The following NRP2 variants were observed in gnomAD, a reference collection of about 807,000 sequenced individuals.
NRP2 encodes neuropilin-2.
Under a neutral mutation model 110.4 loss-of-function variants are expected in NRP2, and 52 were observed. That is an observed-to-expected ratio of 0.47 (90% CI 0.38 to 0.59). The LOEUF (loss-of-function observed/expected upper bound fraction) is 0.59, where lower values mean the gene tolerates loss of function less well. Among genes scored for constraint, NRP2 ranks in the 20% least tolerant of loss-of-function variants. The pLI is 0.00. For synonymous variants in NRP2, 508 were observed against 468.9 expected (o/e 1.08, Z -1.08); for missense variants, 1,049 against 1,203.0 (o/e 0.87, Z 1.89).
chr2:205,730,033 A>G (rs2057205994), intron 7 of NRP2, among the ~76,000 whole-genome samples: 1 of 152,190 alleles, frequency 6.6e-6, no homozygotes, highest in African/African-American at 2.4e-5. Flanking sequence ...TCTCTTCCCC[A>G]TTAGAAATTC....
At chr2:205,745,506 C>T (rs765660162) in intron 9 of NRP2, among the ~76,000 whole-genome samples, 21 of 152,144 alleles carry the variant, frequency 1.4e-4, no homozygotes, top group Admixed American at 1.3e-4. Context: ...GAAATTGCCA[C>T]CTTTGTTTAC....
At chr2:205,697,320 G>A (rs956525212) in intron 1 of NRP2, among the ~76,000 whole-genome samples, 2 of 151,118 alleles carry the variant, frequency 1.3e-5, no homozygotes, top group Non-Finnish European at 1.5e-5. Flanking sequence ...ATCTGTGTGT[G>A]TGTGTGTGTG....
chr2:205,687,568 G>A (rs140283340), intron 1 of NRP2, among the ~76,000 whole-genome samples: 55 of 152,306 alleles, frequency 3.6e-4, no homozygotes, highest in African/African-American at 1.2e-3. Flanking sequence ...TCGTCCAAGC[G>A]GTGCCTGGTG....
intron 11 of NRP2, among the ~76,000 whole-genome samples, chr2:205,750,752 C>A (rs940647442): frequency 3.9e-5 from 6 of 152,040 alleles, no homozygotes; most frequent in African/African-American, 1.5e-4. Flanking sequence ...GGAAGATTGG[C>A]AAAGAGACTA....
intron 1 of NRP2, among the ~76,000 whole-genome samples, chr2:205,685,059 C>A (rs866413364): frequency 3.9e-5 from 6 of 152,200 alleles, no homozygotes; most frequent in Admixed American, 2.6e-4. Flanking sequence ...TCTCCTACCC[C>A]AGATGTTCGC....
chr2:205,700,579 G>A (rs2056531817), intron 2 of NRP2: 1 of 374,350 alleles, frequency 2.7e-6, no homozygotes, highest in Non-Finnish European at 5.4e-6. Flanking sequence ...ATCCTGGGCT[G>A]TGGCCCCTGG....
chr2:205,778,335 C>G (rs1478774154), intron 15 of NRP2: 1 of 152,004 alleles, frequency 6.6e-6, no homozygotes, highest in African/African-American at 2.4e-5. Flanking sequence ...TTCATCCTCC[C>G]GAAAGAACGG....
intron 2 of NRP2, among the ~76,000 whole-genome samples, chr2:205,706,050 ACCTC>A (rs1465208428): frequency 2.0e-5 from 3 of 151,428 alleles, no homozygotes; most frequent in Admixed American, 2.0e-4. Flanking sequence ...CCTGTCACCT[ACCTC>A]CTACTCCCCC....
intron 1 of NRP2, among the ~76,000 whole-genome samples, chr2:205,692,732 G>A (rs1303979247): frequency 6.6e-6 from 1 of 152,216 alleles, no homozygotes; most frequent in African/African-American, 2.4e-5. Context: ...GGCTTACCAA[G>A]CAGATAGAAC....
chr2:205,712,236 G>C (rs1025640435), intron 2 of NRP2, among the ~76,000 whole-genome samples: 6 of 152,114 alleles, frequency 3.9e-5, no homozygotes, highest in Non-Finnish European at 8.8e-5. Context: ...GGCTACTTCA[G>C]CTCAGGAAAA....
At position 205,682,887 on chromosome 2, in the gene NRP2, G is replaced by C. The variant is rs974687770; in HGVS notation, c.-404G>C. The C allele has an allele frequency of 3.3e-5, 7 of 210,590 alleles. No individual in the cohort carries two copies. Among genetic ancestry groups the C allele is most frequent in the Non-Finnish European group, 6.8e-5 (7 of 103,452 alleles). 13.0% of individuals were successfully genotyped at this position (210,590 alleles called of 1,614,324 possible). A position where few individuals can be genotyped will look rare whatever the true frequency, so the allele number is the denominator to read the frequency against. ...CCTCTGAGATCACACAGCTGCCTGG[G>C]GGCCGTGTGATGCCCAAGGCAAGTC... On this transcript the variant is annotated 5_prime_UTR_variant, in exon 1 of 17. Coordinates refer to ENST00000357785, the MANE Select transcript of NRP2 (RefSeq NM_003872.3). This position sits in a 1 kb window ranked among gnomAD's most constrained non-coding sequence, Gnocchi z 4.3.
At chr2:205,730,825 G>A (rs1381134973) in intron 7 of NRP2, among the ~76,000 whole-genome samples, 3 of 152,204 alleles carry the variant, frequency 2.0e-5, no homozygotes, top group Non-Finnish European at 2.9e-5. Flanking sequence ...GGACCCAGAC[G>A]GGGCTGAGGC....
chr2:205,763,766 C>T lies in NRP2; in HGVS notation c.2137C>T (p.Pro713Ser), dbSNP rs1349145589. The T allele has an allele frequency of 6.2e-7, 1 of 1,614,202 alleles. No homozygotes were observed. Among genetic ancestry groups the T allele is most frequent in the Non-Finnish European group, 8.5e-7 (1 of 1,180,036 alleles). ...ISPPVHLPRS[P>S]VCMEFQYQAT... Reference sequence around the variant, plus strand: ...CCCCCCTGTCCACCTGCCCCGAAGCCCGGTGTGCATGGAGTTCCAGTACCA... The same window carrying T: ...CCCCCCTGTCCACCTGCCCCGAAGCTCGGTGTGCATGGAGTTCCAGTACCA... Residue 713 changes from proline (P) to serine (S), a missense_variant, in exon 13 of 17, where the codon CCG (proline) becomes TCG (serine). Physicochemically the swap from Pro to Ser is moderately conservative, Grantham distance 74. Transcript: ENST00000357785. The surrounding 1 kb of genome is among the most constrained non-coding windows in gnomAD (Gnocchi z 4.0).
chr2:205,759,637 A>G (rs963638636), intron 12 of NRP2: 4 of 152,246 alleles, frequency 2.6e-5, no homozygotes, highest in Non-Finnish European at 4.4e-5. Context: ...GAAAGAGCAG[A>G]TAAGGGGAAC....
chr2:205,722,545 G>C lies in NRP2; in HGVS notation c.501G>C (p.Glu167Asp), dbSNP rs1376858074. The C allele has an allele frequency of 3.1e-6, 5 of 1,614,212 alleles. No homozygotes were observed. Among genetic ancestry groups the C allele is most frequent in the Admixed American group, 3.3e-5 (2 of 60,030 alleles). Reference protein sequence around the residue: ...NGTIESPGFPEKYPHNLDCTF... With the variant: ...NGTIESPGFPDKYPHNLDCTF... ...CCATCGAATCTCCTGGGTTTCCTGA[G>C]AAGTATCCACACAACTTGGACTGCA... The change falls in exon 4 of 17, where the codon GAG becomes GAC. Residue 167 changes from glutamate (E) to aspartate (D), a missense_variant. Coordinates refer to ENST00000357785, the MANE Select transcript of NRP2 (RefSeq NM_003872.3).
chr2:205,736,978 A>G (rs977546087), intron 7 of NRP2, among the ~76,000 whole-genome samples: 10 of 152,248 alleles, frequency 6.6e-5, no homozygotes, highest in Admixed American at 6.5e-4. Context: ...GGAGAAAAAT[A>G]GAGACCTTGT....
At chr2:205,693,937 C>A (rs1339617919) in intron 1 of NRP2, among the ~76,000 whole-genome samples, 2 of 152,202 alleles carry the variant, frequency 1.3e-5, no homozygotes, top group African/African-American at 4.8e-5. Flanking sequence ...TTCAGGTTAT[C>A]CAGTGTTCCT....
At chr2:205,792,999 G>A (rs1041839854) in intron 16 of NRP2, among the ~76,000 whole-genome samples, 2 of 152,176 alleles carry the variant, frequency 1.3e-5, no homozygotes, top group African/African-American at 4.8e-5. Context: ...TAAGATTGAT[G>A]AATTTAAGAG....
chr2:205,790,439 T>C (rs750218954), intron 15 of NRP2, among the ~76,000 whole-genome samples: 1 of 152,146 alleles, frequency 6.6e-6, no homozygotes. Flanking sequence ...CCTCCAAGAA[T>C]TCATCACATC....
Sources: allele counts gnomAD v4.1 joint callset (sites outside exome capture counted in the v4.1 genomes callset), GRCh38; gene constraint gnomAD v4.1.1; non-coding constraint Gnocchi (gnomAD v3.1); transcripts MANE v1.5; gene names NCBI Gene and HGNC (gene_info 2026-07-23, HGNC 2026-07-21).